Variants in GDPD5 observed in about 807,000 individuals in gnomAD.
GDPD5 encodes the protein glycerophosphodiester phosphodiesterase 2.
GDPD5 carries 48 observed loss-of-function variants against 75.1 expected under a neutral mutation model. That is an observed-to-expected ratio of 0.64 (90% CI 0.51 to 0.81). The LOEUF is 0.81. GDPD5 is among the 40% of genes least tolerant of loss of function. The pLI, the probability that GDPD5 is intolerant of heterozygous loss-of-function variation, is 0.00. For synonymous variants in GDPD5, 336 were observed against 339.0 expected (o/e 0.99, Z 0.10); for missense variants, 706 against 822.6 (o/e 0.86, Z 1.73).
intron 4 of GDPD5, 43 bp from the exon 5 acceptor site, chr11:75,457,829 C>T (rs373206785): frequency 2.7e-6 from 4 of 1,472,264 alleles, no homozygotes; most frequent in Non-Finnish European, 3.8e-6. Flanking sequence ...TCCACCAGGC[C>T]ACTACCTGGC....
chr11:75,437,059 G>A lies in GDPD5; in HGVS notation c.1557-11C>T, dbSNP rs973533058. 6.2e-6 allele frequency: 10 copies of A among 1,603,196 alleles called. No homozygotes were observed. The highest frequency in any genetic ancestry group is 7.7e-6 in the Non-Finnish European group (9 of 1,171,550). On this transcript the variant is annotated splice_polypyrimidine_tract_variant and intron_variant, in intron 15 of 16. Transcript: ENST00000336898. ...CCACCCAGGCGCCACCTGCAGAGATGGCCCCGTGGGCATCAGGTCTCTCCT... is the reference window on the plus strand; with the variant it reads ...CCACCCAGGCGCCACCTGCAGAGATAGCCCCGTGGGCATCAGGTCTCTCCT...
intron 15 of GDPD5, 148 bp downstream of exon 15, chr11:75,439,731 A>G (rs1592053853): frequency 1.5e-6 from 1 of 678,206 alleles, no homozygotes; most frequent in East Asian, 2.7e-5. Context: ...CTGAGGGAGG[A>G]TGGGGCCACC....
intron 3 of GDPD5, among the ~76,000 whole-genome samples, chr11:75,472,746 A>T (rs1299611848): frequency 6.6e-6 from 1 of 152,110 alleles, no homozygotes; most frequent in African/African-American, 2.4e-5. Context: ...TCATTCAGTA[A>T]ATCTTGTCCG....
chr11:75,470,154 A>T (rs890592733), intron 3 of GDPD5, among the ~76,000 whole-genome samples: 1 of 152,220 alleles, frequency 6.6e-6, no homozygotes, highest in East Asian at 1.9e-4. Context: ...GGACTTATTG[A>T]GAGAACAAGG....
Position 75,435,392 on chromosome 11 carries a change from C to G in GDPD5, c.*115G>C. 1 of 1,001,924 alleles carries G rather than the reference C, an allele frequency of 1.0e-6. No homozygotes were observed. Among genetic ancestry groups the G allele is most frequent in the South Asian group, 1.8e-5 (1 of 54,544 alleles). The allele number at this position is 1,001,924 out of a possible 1,614,324, so 62.1% of individuals were successfully genotyped here. Reference sequence around the variant, plus strand: ...GCGGCTGACAAGGGGCTGGAGCCCACAAGGAGGCTGTGGAGCCCGCTCCCA... The same window carrying G: ...GCGGCTGACAAGGGGCTGGAGCCCAGAAGGAGGCTGTGGAGCCCGCTCCCA... On this transcript the variant is annotated 3_prime_UTR_variant, in exon 17 of 17. Coordinates refer to ENST00000336898, the MANE Select transcript of GDPD5 (RefSeq NM_030792.8).
intron 3 of GDPD5, among the ~76,000 whole-genome samples, chr11:75,468,249 C>CAT (rs143027757): frequency 0.016 from 2,433 of 152,328 alleles, 58 homozygotes; most frequent in African/African-American, 0.054. Context: ...AGTCTGCACA[C>CAT]ATCACTCTGA....
At chr11:75,519,185 G>A (rs1950704861) in intron 1 of GDPD5, among the ~76,000 whole-genome samples, 1 of 152,100 alleles carries the variant, frequency 6.6e-6, no homozygotes, top group Non-Finnish European at 1.5e-5. Context: ...TGGTCCTGGG[G>A]TCTGCCCAAG....
intron 2 of GDPD5, among the ~76,000 whole-genome samples, chr11:75,482,077 C>A (rs879326741): frequency 1.3e-5 from 2 of 152,118 alleles, no homozygotes; most frequent in Non-Finnish European, 2.9e-5. Context: ...CCCGGGACCC[C>A]CCTGCCCCTG....
At chr11:75,484,720 T>TA (rs1183510868) in intron 2 of GDPD5, among the ~76,000 whole-genome samples, 1 of 151,984 alleles carries the variant, frequency 6.6e-6, no homozygotes, top group African/African-American at 2.4e-5. Context: ...CCTCCATCTC[T>TA]AAAAAAATAA....
chr11:75,484,616 G>A (rs1949984417), intron 2 of GDPD5, among the ~76,000 whole-genome samples: 1 of 152,134 alleles, frequency 6.6e-6, no homozygotes. Context: ...AAGTGCCATG[G>A]CTCATGCCTG....
intron 6 of GDPD5, 37 bp from the exon 7 acceptor site, chr11:75,450,020 C>T (rs80245703): frequency 0.012 from 18,403 of 1,574,292 alleles, 143 homozygotes; most frequent in Non-Finnish European, 0.014. Context: ...AGGCTCAGAG[C>T]GGGTGGGAGG....
intron 2 of GDPD5, among the ~76,000 whole-genome samples, chr11:75,482,357 T>A (rs1281365208): frequency 6.6e-6 from 1 of 152,160 alleles, no homozygotes; most frequent in Non-Finnish European, 1.5e-5. Context: ...TGCAGCCATC[T>A]TGTCCACTCT....
intron 3 of GDPD5, among the ~76,000 whole-genome samples, chr11:75,476,585 G>T (rs1054554399): frequency 2.0e-5 from 3 of 152,190 alleles, no homozygotes; most frequent in African/African-American, 4.8e-5. Flanking sequence ...GTTGCCAGGG[G>T]CCTGCCCTGT....
Position 75,435,518 on chromosome 11 carries a change from T to C in GDPD5, c.1807A>G (p.Ser603Gly), listed in dbSNP as rs1375010877. 6.2e-7 allele frequency: 1 copy of C among 1,607,312 alleles called. No homozygotes were observed. The highest frequency in any genetic ancestry group is 1.7e-5 in the Admixed American group (1 of 59,098). ...GSHTKTLIERSGR is the reference protein window; with the variant it reads ...GSHTKTLIERGGR ...AGACATGTCTTCAGCTAACGCCCAC[T>C]CCGCTCTATGAGGGTCTTGGTGTGG... Residue 603 changes from serine (S) to glycine (G), a missense_variant, in exon 17 of 17, where the codon AGT becomes GGT. Transcript: ENST00000336898.
In GDPD5 at chr11:75,441,293, T is replaced by G; in HGVS notation, c.1343A>C (p.Asn448Thr). Reference protein sequence around the residue: ...RQELRDYASWNLSVNLYTVNA... With the variant: ...RQELRDYASWTLSVNLYTVNA... ...GACTGTGTAGAGGTTCACACTCAGG[T>G]TCCAGGACGCGTAGTCCCTGTGGGG... Residue 448 changes from asparagine (N) to threonine (T), a missense_variant, in exon 14 of 17, where the codon AAC becomes ACC. Transcript: ENST00000336898. 1 of 1,614,138 alleles carries G rather than the reference T, an allele frequency of 6.2e-7. No homozygotes were observed.
intron 15 of GDPD5, 24 bp downstream of exon 15, chr11:75,439,855 C>T (rs751865976): frequency 8.3e-5 from 133 of 1,596,834 alleles, no homozygotes; most frequent in Admixed American, 5.3e-4. Flanking sequence ...GGGACAGCCA[C>T]GGAAGTGGTC....
intron 1 of GDPD5, among the ~76,000 whole-genome samples, chr11:75,523,034 G>A (rs529102183): frequency 2.6e-5 from 4 of 152,292 alleles, no homozygotes; most frequent in South Asian, 4.1e-4. Flanking sequence ...CATATCCTGC[G>A]TTCTAATCGA....
At chr11:75,513,713 C>T (rs1039748057) in intron 1 of GDPD5, among the ~76,000 whole-genome samples, 18 of 152,358 alleles carry the variant, frequency 1.2e-4, no homozygotes, top group African/African-American at 4.1e-4. Context: ...CCTCGGCTAA[C>T]TTCCTCCCAG....
Position 75,442,565 on chromosome 11 carries a change from G to C in GDPD5, c.965C>G (p.Thr322Arg), listed in dbSNP as rs941604022. Residue 322 changes from threonine to arginine, a missense_variant, in exon 12 of 17, where the codon ACA (threonine) becomes AGA (arginine). By Grantham distance (71) the Thr-to-Arg change is moderately conservative. Transcript: ENST00000336898. ...QWFLKTDPFW[T>R]ASSLSPSDHR... ...GTCGGAGGGTGACAGGGAGCTGGCT[G>C]TCCAGAAGGGGTCAGTCTGGCAGGG... is the stretch of plus-strand genomic sequence containing the variant. The C allele has an allele frequency of 1.2e-6, 2 of 1,614,000 alleles. No homozygotes were observed. The highest frequency in any genetic ancestry group is 1.3e-5 in the African/African-American group (1 of 74,930).
Sources: allele counts gnomAD v4.1 joint callset (sites outside exome capture counted in the v4.1 genomes callset), GRCh38; gene constraint gnomAD v4.1.1; transcripts MANE v1.5; gene names NCBI Gene and HGNC (gene_info 2026-07-23, HGNC 2026-07-21).